Variants in PPP1R15B observed in about 807,000 individuals in gnomAD.
The protein encoded by PPP1R15B is protein phosphatase 1 regulatory subunit 15B.
In PPP1R15B, 31 loss-of-function variants were observed where a neutral mutation model predicts 53.9. The ratio of observed to expected loss-of-function variants is 0.58; its 90% CI spans 0.43 to 0.78. The LOEUF is 0.78. Among genes scored for constraint, PPP1R15B ranks in the 30% least tolerant of loss-of-function variants. The probability of loss-of-function intolerance (pLI) is 0.00; values close to 1 mark genes in which losing one functional copy is unlikely to be tolerated. For missense variants in PPP1R15B, 928 were observed against 849.6 expected (o/e 1.09, Z -1.15); for synonymous variants, 345 against 329.1 (o/e 1.05, Z -0.52).
In PPP1R15B at chr1:204,410,880, G is replaced by A; in HGVS notation, c.532C>T (p.Gln178Ter). The A allele has an allele frequency of 6.2e-7, 1 of 1,614,154 alleles. No homozygotes were observed. The part of the protein sequence containing the change: ...DPAAQAFLLE[Q>*]QLWGVELLPS... Reference sequence around the variant, plus strand: ...AACAGCTCCACTCCCCACAGCTGCTGCTCTAAGAGAAAAGCCTGTGCTGCA... The same window carrying A: ...AACAGCTCCACTCCCCACAGCTGCTACTCTAAGAGAAAAGCCTGTGCTGCA... Residue 178 changes from glutamine (Q) to a stop codon, truncating the protein, a stop_gained, in exon 1 of 2, where the codon CAG becomes TAG. Coordinates refer to ENST00000367188, the MANE Select transcript of PPP1R15B (RefSeq NM_032833.5). LOFTEE classifies it high-confidence loss of function.
chr1:204,407,639 T>C (rs1674288193), intron 1 of PPP1R15B, among the ~76,000 whole-genome samples: 1 of 152,210 alleles, frequency 6.6e-6, no homozygotes, highest in Admixed American at 6.5e-5. Flanking sequence ...TACTCATTCA[T>C]TGTGTCATTA....
In PPP1R15B at chr1:204,405,998, A is replaced by G; in HGVS notation, c.*94T>C. 1 of 1,504,216 alleles carries G rather than the reference A, an allele frequency of 6.6e-7. No individual in the cohort carries two copies. The highest frequency in any genetic ancestry group is 8.8e-7 in the Non-Finnish European group (1 of 1,131,764). The allele number at this position is 1,504,216 out of a possible 1,614,324, so 93.2% of individuals were successfully genotyped here. A position where few individuals can be genotyped will look rare whatever the true frequency, so the allele number is the denominator to read the frequency against. ...TCCAAGTTACATTTCCTCTAAAAAA[A>G]AAAATGTCAAAGGACAGCTGCCAAG... On this transcript the variant is annotated 3_prime_UTR_variant, in exon 2 of 2. Transcript: ENST00000367188.
intron 1 of PPP1R15B, among the ~76,000 whole-genome samples, chr1:204,408,873 TAAGAA>T (rs1246118875): frequency 2.6e-5 from 4 of 152,196 alleles, no homozygotes; most frequent in Non-Finnish European, 4.4e-5. Context: ...ATTGCATTCC[TAAGAA>T]AAGGCAATAC....
chr1:204,398,534 A>G (rs545382845), downstream of PPP1R15B, among the ~76,000 whole-genome samples: 264 of 152,274 alleles, frequency 1.7e-3, no homozygotes, highest in African/African-American at 6.1e-3. Flanking sequence ...GTTCTCCTAT[A>G]AGAAAGAGCC....
Position 204,410,636 on chromosome 1 carries a change from C to T in PPP1R15B, c.776G>A (p.Cys259Tyr), listed in dbSNP as rs773227587. Residue 259 changes from cysteine to tyrosine, a missense_variant, in exon 1 of 2, where the codon TGC (cysteine) becomes TAC (tyrosine). Coordinates refer to ENST00000367188, the MANE Select transcript of PPP1R15B (RefSeq NM_032833.5). ...GFQTLTPESS[C>Y]LREDHCHPQP... is the part of the protein sequence containing the mutation. ...GGGATGACAATGGTCCTCTCTCAGG[C>T]AGCTGCTCTCTGGGGTTAGTGTCTG... is the stretch of plus-strand genomic sequence containing the variant. The T allele has an allele frequency of 1.1e-5, 17 of 1,614,028 alleles. No homozygotes were observed. In the Middle Eastern group the frequency reaches 4.9e-4, roughly 47 times the overall value.
At position 204,411,195 on chromosome 1, in the gene PPP1R15B, G is replaced by A. The variant is rs769326823; in HGVS notation, c.217C>T (p.Pro73Ser). 15 of 1,614,112 alleles carry A rather than the reference G, an allele frequency of 9.3e-6. No homozygotes were observed. The African/African-American group carries it at 2.0e-4, about 22-fold the overall frequency. ...ACCTTCTGAAGCAATCCGGGGAGCG[G>A]CGCAAGGAGCTGGGAGAGCAGTTTC... is the stretch of plus-strand genomic sequence containing the variant. ...WTKLLSQLLAPLPGLLQKVLI... is the reference protein window; with the variant it reads ...WTKLLSQLLASLPGLLQKVLI... Residue 73 changes from proline to serine, a missense_variant, in exon 1 of 2, where the codon CCG becomes TCG. Physicochemically the swap from Pro to Ser is moderately conservative, Grantham distance 74. Coordinates refer to ENST00000367188, the MANE Select transcript of PPP1R15B (RefSeq NM_032833.5).
chr1:204,411,555 GC>G lies in PPP1R15B; in HGVS notation c.-145del. ...GGCCGATCTTCGAGCCAGCAGAAAAGCCACAGAGGGCAGCGAATGCGGCAGC... is the reference window on the plus strand; with the variant it reads ...GGCCGATCTTCGAGCCAGCAGAAAAGCACAGAGGGCAGCGAATGCGGCAGC... On this transcript the variant is annotated 5_prime_UTR_variant, in exon 1 of 2. The change abolishes the stop of an existing upstream ORF in the 5' untranslated region. Coordinates refer to ENST00000367188, the MANE Select transcript of PPP1R15B (RefSeq NM_032833.5). The G allele has an allele frequency of 8.9e-7, 1 of 1,127,516 alleles. No individual in the cohort carries two copies. The highest frequency in any genetic ancestry group is 1.3e-6 in the Non-Finnish European group (1 of 797,974). 69.8% of individuals were successfully genotyped at this position (1,127,516 alleles called of 1,614,324 possible). A position where few individuals can be genotyped will look rare whatever the true frequency, so the allele number is the denominator to read the frequency against.
downstream of PPP1R15B, among the ~76,000 whole-genome samples, chr1:204,403,134 C>T (rs1200419790): frequency 2.0e-5 from 3 of 152,080 alleles, no homozygotes; most frequent in Non-Finnish European, 2.9e-5. Context: ...TAGGCTAAGC[C>T]CAGCATCTGA....
At chr1:204,396,145 C>T (rs1007234865), downstream of PPP1R15B, among the ~76,000 whole-genome samples, 2 of 152,006 alleles carry the variant, frequency 1.3e-5, no homozygotes, top group Non-Finnish European at 2.9e-5. Flanking sequence ...AAGAAGCCCA[C>T]CACAGAAGGG....
Position 204,411,696 on chromosome 1 carries a change from G to A in PPP1R15B, c.-285C>T. ...GCTCGACGCTTCAACACCATGGATA[G>A]GAGTCCCCCCACGGCCTCGGCGATG... On this transcript the variant is annotated 5_prime_UTR_variant, in exon 1 of 2. Transcript: ENST00000367188. The A allele has an allele frequency of 1.9e-6, 1 of 521,794 alleles. No homozygotes were observed. The highest frequency in any genetic ancestry group is 3.4e-6 in the Non-Finnish European group (1 of 292,900). 32.3% of individuals were successfully genotyped at this position (521,794 alleles called of 1,614,324 possible).
In PPP1R15B at chr1:204,410,565, G is replaced by A. The variant is rs927527716; in HGVS notation, c.847C>T (p.Pro283Ser). The part of the protein sequence containing the change: ...ELIPASWQGC[P>S]PLSTEGLPEI... ...GGTAGGCCTTCCGTAGAAAGAGGTG[G>A]ACATCCCTGCCACGAGGCCGGAATG... is the stretch of plus-strand genomic sequence containing the variant. The change falls in exon 1 of 2, where the codon CCA (proline) becomes TCA (serine). Residue 283 changes from proline to serine, a missense_variant. Pro to Ser is a moderately conservative substitution (Grantham distance 74). Transcript: ENST00000367188. 4 of 1,614,032 alleles carry A rather than the reference G, an allele frequency of 2.5e-6. No homozygotes were observed. The highest frequency in any genetic ancestry group is 2.2e-5 in the South Asian group (2 of 91,066).
At position 204,405,729 on chromosome 1, in the gene PPP1R15B, G is replaced by C; in HGVS notation, c.*363C>G. Reference sequence around the variant, plus strand: ...GGCACACATAATTTAGATTAGAAATGAAAATGGGCTTTAAGCCCTATAAAT... The same window carrying C: ...GGCACACATAATTTAGATTAGAAATCAAAATGGGCTTTAAGCCCTATAAAT... On this transcript the variant is annotated 3_prime_UTR_variant, in exon 2 of 2. Transcript: ENST00000367188. The C allele has an allele frequency of 1.0e-6, 1 of 998,064 alleles. No homozygotes were observed. The allele number at this position is 998,064 out of a possible 1,614,324, so 61.8% of individuals were successfully genotyped here.
In PPP1R15B at chr1:204,409,487, C is replaced by G; in HGVS notation, c.1920+5G>C. The G allele has an allele frequency of 6.2e-7, 1 of 1,601,384 alleles. No homozygotes were observed. On this transcript the variant is annotated splice_donor_5th_base_variant and intron_variant, in intron 1 of 1. Transcript: ENST00000367188. ...ATCAGGCATGTTAAAAGACAAGAAA[C>G]AAACCTTTTTTCTTTTGACATGTGT...
Position 204,406,016 on chromosome 1 carries a change from C to A in PPP1R15B, c.*76G>T. On this transcript the variant is annotated 3_prime_UTR_variant, in exon 2 of 2. Coordinates refer to ENST00000367188, the MANE Select transcript of PPP1R15B (RefSeq NM_032833.5). Reference sequence around the variant, plus strand: ...TAAAAAAAAAAATGTCAAAGGACAGCTGCCAAGATTTGTTTTTAAAAGACA... The same window carrying A: ...TAAAAAAAAAAATGTCAAAGGACAGATGCCAAGATTTGTTTTTAAAAGACA... 6.5e-7 allele frequency: 1 copy of A among 1,531,202 alleles called. No homozygotes were observed. The allele number at this position is 1,531,202 out of a possible 1,614,324, so 94.9% of individuals were successfully genotyped here. A position where few individuals can be genotyped will look rare whatever the true frequency, so the allele number is the denominator to read the frequency against.
rs1356430337 is a variant in PPP1R15B, at chr1:204,410,417, A to G, written c.995T>C (p.Leu332Pro). The change falls in exon 1 of 2, where the codon CTC becomes CCC. Residue 332 changes from leucine to proline, a missense_variant. Coordinates refer to ENST00000367188, the MANE Select transcript of PPP1R15B (RefSeq NM_032833.5). The part of the protein sequence containing the change: ...YHSLEEEHSL[L>P]RMDPKHCRDN... ...TCTGCAGTGTTTTGGATCCATCCGG[A>G]GAAGGCTGTGTTCCTCCTCCAGGCT... 1.2e-6 allele frequency: 2 copies of G among 1,614,106 alleles called. No individual in the cohort carries two copies. The highest frequency in any genetic ancestry group is 8.5e-7 in the Non-Finnish European group (1 of 1,180,042).
Position 204,405,776 on chromosome 1 carries a change from T to C in PPP1R15B, c.*316A>G. The C allele has an allele frequency of 9.5e-7, 1 of 1,051,490 alleles. No homozygotes were observed. Among genetic ancestry groups the C allele is most frequent in the Non-Finnish European group, 1.1e-6 (1 of 870,346 alleles). 65.1% of individuals were successfully genotyped at this position (1,051,490 alleles called of 1,614,324 possible). A position where few individuals can be genotyped will look rare whatever the true frequency, so the allele number is the denominator to read the frequency against. On this transcript the variant is annotated 3_prime_UTR_variant, in exon 2 of 2. Transcript: ENST00000367188. Reference sequence around the variant, plus strand: ...AAATATTGTTTTCCAAGAAAATAAGTTTTGAAAGTGCAAAATGACAACTCA... The same window carrying C: ...AAATATTGTTTTCCAAGAAAATAAGCTTTGAAAGTGCAAAATGACAACTCA...
In PPP1R15B at chr1:204,404,142, G is replaced by A. The variant is rs575751222; in HGVS notation, c.*1950C>T. ...TTTCCAACCGACATTGCTGTTGCTT[G>A]AAACTAGCCTGTTTTCATGTTATTA... On this transcript the variant is annotated 3_prime_UTR_variant, in exon 2 of 2. Transcript: ENST00000367188. 1.0e-6 allele frequency: 1 copy of A among 985,340 alleles called. No homozygotes were observed. The highest frequency in any genetic ancestry group is 4.7e-5 in the South Asian group (1 of 21,282). The allele number at this position is 985,340 out of a possible 1,614,324, so 61.0% of individuals were successfully genotyped here.
In PPP1R15B at chr1:204,411,425, A is replaced by C. The variant is rs1346611131; in HGVS notation, c.-14T>G. On this transcript the variant is annotated 5_prime_UTR_variant, in exon 1 of 2. Coordinates refer to ENST00000367188, the MANE Select transcript of PPP1R15B (RefSeq NM_032833.5). Reference sequence around the variant, plus strand: ...CCCCGGCTCCATCTCCTTTTTCTTGACAGTCTCTCAGGTAGGGCCGCGGCG... The same window carrying C: ...CCCCGGCTCCATCTCCTTTTTCTTGCCAGTCTCTCAGGTAGGGCCGCGGCG... 6.2e-7 allele frequency: 1 copy of C among 1,607,096 alleles called. No homozygotes were observed. Among genetic ancestry groups the C allele is most frequent in the Non-Finnish European group, 8.5e-7 (1 of 1,178,256 alleles).
Position 204,411,256 on chromosome 1 carries a change from G to A in PPP1R15B, c.156C>T (p.Ser52=), listed in dbSNP as rs147611819. The change falls in exon 1 of 2, where the codon TCC becomes TCT. Residue 52 remains serine, a synonymous_variant. Coordinates refer to ENST00000367188, the MANE Select transcript of PPP1R15B (RefSeq NM_032833.5). ...PENSGNPTLL[S]SAQPETRVSY... is the part of the protein sequence containing the mutation. ...TGACCCGAGTCTCGGGCTGGGCAGAGGAAAGCAGTGTGGGGTTCCCGGAGT... is the reference window on the plus strand; with the variant it reads ...TGACCCGAGTCTCGGGCTGGGCAGAAGAAAGCAGTGTGGGGTTCCCGGAGT... 2,505 of 1,614,270 alleles carry A rather than the reference G, an allele frequency of 1.6e-3. 9 individuals carry two copies. Among genetic ancestry groups the A allele is most frequent in the South Asian group, 8.6e-3 (783 of 91,088 alleles).
Sources: allele counts gnomAD v4.1 joint callset (sites outside exome capture counted in the v4.1 genomes callset), GRCh38; gene constraint gnomAD v4.1.1; transcripts MANE v1.5; gene names NCBI Gene and HGNC (gene_info 2026-07-23, HGNC 2026-07-21).